The following TRPC7 variants were observed in gnomAD, a reference collection of about 807,000 sequenced individuals.
TRPC7 encodes short transient receptor potential channel 7.
A neutral mutation model predicts 90.1 loss-of-function variants in TRPC7; 42 were observed. That is an observed-to-expected ratio of 0.47 (90% CI 0.36 to 0.60). The LOEUF (loss-of-function observed/expected upper bound fraction) is 0.60, where lower values mean the gene tolerates loss of function less well. TRPC7 is among the 20% of genes least tolerant of loss of function. The pLI, the probability that TRPC7 is intolerant of heterozygous loss-of-function variation, is 0.00. For synonymous variants in TRPC7, 451 were observed against 436.3 expected, an observed-to-expected ratio of 1.03 and a Z score of -0.42; for missense variants, 955 against 1,112.3, an observed-to-expected ratio of 0.86 and a Z score of 2.01.
intron 2 of TRPC7, among the ~76,000 whole-genome samples, chr5:136,335,765 G>C (rs1351945095): frequency 6.6e-6 from 1 of 151,744 alleles, no homozygotes; most frequent in Admixed American, 6.6e-5. Context: ...TTAGCCAGGC[G>C]TGGTGGCGGG....
At chr5:136,223,775 C>T (rs906798160) in intron 10 of TRPC7, among the ~76,000 whole-genome samples, 44 of 152,130 alleles carry the variant, frequency 2.9e-4, no homozygotes, top group African/African-American at 1.0e-3. Context: ...TGGCCCTAAC[C>T]CATTGGGTAT....
chr5:136,348,926 T>C (rs1165031444), intron 2 of TRPC7, among the ~76,000 whole-genome samples: 3 of 152,222 alleles, frequency 2.0e-5, no homozygotes, highest in African/African-American at 7.2e-5. Context: ...GCCATTTGAT[T>C]TAATTTGTGC....
intron 5 of TRPC7, among the ~76,000 whole-genome samples, chr5:136,262,896 G>C (rs1756903295): frequency 6.6e-6 from 1 of 152,170 alleles, no homozygotes; most frequent in African/African-American, 2.4e-5. Flanking sequence ...GAGTTGAAGA[G>C]ACAGAATGGG....
At chr5:136,252,117 T>C (rs925999366) in intron 5 of TRPC7, among the ~76,000 whole-genome samples, 2 of 152,228 alleles carry the variant, frequency 1.3e-5, no homozygotes, top group Admixed American at 6.5e-5. Flanking sequence ...GGAGAGAGTT[T>C]TCATTCGTTG....
chr5:136,309,968 T>A (rs974133666), intron 3 of TRPC7, among the ~76,000 whole-genome samples: 1 of 152,124 alleles, frequency 6.6e-6, no homozygotes, highest in African/African-American at 2.4e-5. Flanking sequence ...CACTCCTGAT[T>A]AAGGTCCTTC....
intron 3 of TRPC7, among the ~76,000 whole-genome samples, chr5:136,291,523 CAA>C (rs1224914933): frequency 2.0e-5 from 3 of 152,094 alleles, no homozygotes; most frequent in Non-Finnish European, 1.5e-5. Flanking sequence ...TTTAAACCAA[CAA>C]AGATCAAAAG....
intron 8 of TRPC7, among the ~76,000 whole-genome samples, chr5:136,227,608 G>A (rs1354656671): frequency 1.3e-5 from 2 of 152,174 alleles, no homozygotes; most frequent in African/African-American, 4.8e-5. Flanking sequence ...CTTTTAGGTT[G>A]GAAGCTTTGT....
At chr5:136,353,594 C>T (rs144673768) in intron 2 of TRPC7, among the ~76,000 whole-genome samples, 105 of 152,240 alleles carry the variant, frequency 6.9e-4, no homozygotes, top group Non-Finnish European at 1.2e-3. Context: ...AGCTGCTCTC[C>T]TCTGAGAAGA....
chr5:136,276,369 G>A (rs1345460995), intron 3 of TRPC7, among the ~76,000 whole-genome samples: 2 of 152,138 alleles, frequency 1.3e-5, no homozygotes, highest in East Asian at 1.9e-4. Flanking sequence ...ACCCTGGAAC[G>A]TCATGTGCTG....
At chr5:136,343,935 C>T in intron 2 of TRPC7, among the ~76,000 whole-genome samples, 1 of 152,090 alleles carries the variant, frequency 6.6e-6, no homozygotes, top group Non-Finnish European at 1.5e-5. Context: ...TGTGTATATA[C>T]CCAAAGGAAT....
At chr5:136,234,300 C>G (rs1166916538) in intron 7 of TRPC7, among the ~76,000 whole-genome samples, 3 of 151,922 alleles carry the variant, frequency 2.0e-5, no homozygotes, top group Non-Finnish European at 4.4e-5. Context: ...ACAAACTATA[C>G]ATTTCTTTTC....
intron 11 of TRPC7, among the ~76,000 whole-genome samples, chr5:136,214,742 T>C (rs1476819224): frequency 6.6e-6 from 1 of 152,186 alleles, no homozygotes; most frequent in Non-Finnish European, 1.5e-5. Flanking sequence ...TCGAGCTGCA[T>C]GCTGGGTGCC....
chr5:136,256,934 A>G (rs1178770230), intron 5 of TRPC7, among the ~76,000 whole-genome samples: 1 of 152,072 alleles, frequency 6.6e-6, no homozygotes, highest in East Asian at 1.9e-4. Flanking sequence ...CATGATAACA[A>G]TCGCCTTTGG....
At chr5:136,291,629 C>T (rs1300241689) in intron 3 of TRPC7, among the ~76,000 whole-genome samples, 1 of 152,184 alleles carries the variant, frequency 6.6e-6, no homozygotes, top group Non-Finnish European at 1.5e-5. Context: ...CAGGAGCACC[C>T]AGGTTCATAA....
chr5:136,241,591 T>C (rs1243371540), intron 7 of TRPC7, among the ~76,000 whole-genome samples: 1 of 152,208 alleles, frequency 6.6e-6, no homozygotes, highest in Non-Finnish European at 1.5e-5. Flanking sequence ...AGTCTCACTC[T>C]GTCACCCAGG....
intron 2 of TRPC7, among the ~76,000 whole-genome samples, chr5:136,321,663 A>G (rs1356223092): frequency 6.6e-6 from 1 of 152,200 alleles, no homozygotes; most frequent in Non-Finnish European, 1.5e-5. Context: ...TTTGTGGTTT[A>G]TAATTACCGG....
intron 1 of TRPC7, among the ~76,000 whole-genome samples, chr5:136,363,679 T>C (rs888660667): frequency 7.9e-5 from 12 of 152,184 alleles, no homozygotes; most frequent in African/African-American, 2.9e-4. Context: ...TTATCTAGTG[T>C]TCCTGAATGT....
At chr5:136,296,447 G>T (rs1758174314) in intron 3 of TRPC7, among the ~76,000 whole-genome samples, 1 of 151,738 alleles carries the variant, frequency 6.6e-6, no homozygotes, top group South Asian at 2.1e-4. Context: ...TCAACTTCAG[G>T]AAATAACAGA....
At chr5:136,295,985 C>T (rs1196882663) in intron 3 of TRPC7, among the ~76,000 whole-genome samples, 2 of 152,164 alleles carry the variant, frequency 1.3e-5, no homozygotes, top group African/African-American at 4.8e-5. Flanking sequence ...AGTGAAGCTA[C>T]TTACAGTCCT....
Sources: gnomAD v4.1 joint callset for allele counts (sites outside exome capture counted in the v4.1 genomes callset) on GRCh38, gnomAD v4.1.1 for gene constraint, MANE v1.5 for transcripts, NCBI Gene and HGNC (gene_info 2026-07-23, HGNC 2026-07-21) for gene names.